The following EYA1 variants were observed in gnomAD, a reference collection of about 807,000 sequenced individuals.
The protein encoded by EYA1 is protein phosphatase EYA1.
A neutral mutation model predicts 82.0 loss-of-function variants in EYA1; 16 were observed. The ratio of observed to expected loss-of-function variants is 0.20; its 90% CI spans 0.13 to 0.30. The LOEUF is 0.30. EYA1 is among the 10% of genes least tolerant of loss of function. The pLI, the probability that EYA1 is intolerant of heterozygous loss-of-function variation, is 1.00. For missense variants in EYA1, 633 were observed against 730.7 expected, an observed-to-expected ratio of 0.87 and a Z score of 1.54; for synonymous variants, 261 against 264.4, an observed-to-expected ratio of 0.99 and a Z score of 0.12.
intron 7 of EYA1, among the ~76,000 whole-genome samples, chr8:71,312,410 A>T (rs1337077078): frequency 6.6e-6 from 1 of 152,176 alleles, no homozygotes; most frequent in Non-Finnish European, 1.5e-5. Context: ...AATTTTATGC[A>T]TTCTTTAGCA....
Position 71,450,585 on chromosome 8 carries a change from C to A in EYA1, c.33+85159G>T, listed in dbSNP as rs185111672. ...ATAATTATGAGAATGACTGAAATAT[C>A]AGAAGAATTAACAAAATGTCACACT... On this transcript the variant is annotated intron_variant, in intron 2 of 18. Transcript: ENST00000643681. Among the ~76,000 whole-genome samples, 473 of 152,214 alleles carry A rather than the reference C, an allele frequency of 3.1e-3. 4 individuals are homozygous for A. Among genetic ancestry groups the A allele is most frequent in the African/African-American group, 0.011 (446 of 41,538 alleles).
Position 71,324,908 on chromosome 8 carries a change from T to C in EYA1, c.203-2640A>G, listed in dbSNP as rs146547992. Among the ~76,000 whole-genome samples the C allele has an allele frequency of 1.9e-4, 29 of 152,320 alleles. No homozygotes were observed. In the East Asian group the frequency reaches 5.6e-3, roughly 29 times the overall value. On this transcript the variant is annotated intron_variant, in intron 4 of 17. Coordinates refer to ENST00000340726, the MANE Select transcript of EYA1 (RefSeq NM_000503.6). ...TAGGTCCCAATAATGATGTCTCACC[T>C]GGACTACTGCAACAGTTACAGAGCC...
At chr8:71,302,574 G>GT in intron 7 of EYA1, among the ~76,000 whole-genome samples, 9 of 101,102 alleles carry the variant, frequency 8.9e-5, no homozygotes, top group African/African-American at 2.6e-4. Flanking sequence ...CAGTGGCTTT[G>GT]GAGACTTAAT....
rs574837763 is a variant in EYA1 at position 71,495,707 on chromosome 8, G to A, written c.33+40037C>T. Reference sequence around the variant, plus strand: ...CAGTTGTAAGACAACATTCTGTAGTGGTTATTTTTCTTCACTGACCAACAA... The same window carrying A: ...CAGTTGTAAGACAACATTCTGTAGTAGTTATTTTTCTTCACTGACCAACAA... On this transcript the variant is annotated intron_variant, in intron 2 of 18. Coordinates refer to the EYA1 transcript ENST00000643681. Among the ~76,000 whole-genome samples the A allele has an allele frequency of 9.9e-5, 15 of 152,262 alleles. No homozygotes were observed. In the South Asian group the frequency reaches 3.1e-3, roughly 32 times the overall value.
At chr8:71,364,610 T>C (rs570208119), upstream of EYA1, among the ~76,000 whole-genome samples, 4 of 152,130 alleles carry the variant, frequency 2.6e-5, no homozygotes, top group East Asian at 7.7e-4. Context: ...ATAGAAGAAA[T>C]CATTGCTATT....
chr8:71,216,957 G>A lies in EYA1; in HGVS notation c.1199+8C>T, dbSNP rs770687311. On this transcript the variant is annotated splice_region_variant and intron_variant, in intron 13 of 17. Coordinates refer to ENST00000340726, the MANE Select transcript of EYA1 (RefSeq NM_000503.6). ...GGAGATGGTCACTTCACATTCAAGG[G>A]TGCTCACCTTAGGTCCTGTCCGTTA... 5.0e-6 allele frequency: 8 copies of A among 1,612,944 alleles called. No individual in the cohort carries two copies. The Admixed American group carries it at 8.3e-5, about 17-fold the overall frequency.
chr8:71,406,616 T>C (rs1040680888), intron 2 of EYA1, among the ~76,000 whole-genome samples: 168 of 152,296 alleles, frequency 1.1e-3, no homozygotes, highest in African/African-American at 3.8e-3. Flanking sequence ...GGGTGACGGA[T>C]GCACCTGGAA....
At chr8:71,531,043 A>T (rs1177268282) in intron 2 of EYA1, 2 of 152,198 alleles carry the variant, frequency 1.3e-5, no homozygotes, top group African/African-American at 4.8e-5. Flanking sequence ...AGCTGACAAC[A>T]TCATGATCAA....
At chr8:71,324,437 T>C (rs191222460) in intron 4 of EYA1, among the ~76,000 whole-genome samples, 1 of 152,346 alleles carries the variant, frequency 6.6e-6, no homozygotes, top group Admixed American at 6.5e-5. Context: ...TGTCTCCATA[T>C]GTTCTCCTAT....
chr8:71,433,313 G>C (rs751002336), intron 2 of EYA1, among the ~76,000 whole-genome samples: 61 of 152,262 alleles, frequency 4.0e-4, no homozygotes, highest in Admixed American at 1.5e-3. Context: ...GGACTTTCTA[G>C]CTTCTTTTAG....
At chr8:71,236,335 G>T (rs921962087) in intron 12 of EYA1, among the ~76,000 whole-genome samples, 3 of 152,058 alleles carry the variant, frequency 2.0e-5, no homozygotes, top group Non-Finnish European at 2.9e-5. Flanking sequence ...GCACCTGGCC[G>T]AATTTTACAC....
rs758531065 is a variant in EYA1 at position 71,271,857 on chromosome 8, A to G, written c.867T>C (p.Asp289=). ...TIHSPSTPIK[D]SDSDRLRRGS... is the part of the protein sequence containing the mutation. The stretch of plus-strand genomic sequence containing the variant: ...CTCGACGCAATCGATCAGAATCTGA[A>G]TCTTTAATGGGTGTTGATGGGCTGT... The change falls in exon 10 of 18, where the codon GAT becomes GAC. Residue 289 remains aspartate, a synonymous_variant. Coordinates refer to ENST00000340726, the MANE Select transcript of EYA1 (RefSeq NM_000503.6). The G allele has an allele frequency of 1.2e-6, 2 of 1,614,180 alleles. No homozygotes were observed. The highest frequency in any genetic ancestry group is 1.7e-6 in the Non-Finnish European group (2 of 1,180,040).
At position 71,422,038 on chromosome 8, in the gene EYA1, A is replaced by G. The variant is rs1831175018; in HGVS notation, c.34-65527T>C. ...AAGATGCATTTTTCTACAGTGGTCTAATATCTCCTTTCAGGTATTTTTTAA... is the reference window on the plus strand; with the variant it reads ...AAGATGCATTTTTCTACAGTGGTCTGATATCTCCTTTCAGGTATTTTTTAA... On this transcript the variant is annotated intron_variant, in intron 2 of 18. Coordinates refer to the EYA1 transcript ENST00000643681. Among the ~76,000 whole-genome samples, 5 of 152,220 alleles carry G rather than the reference A, an allele frequency of 3.3e-5. No homozygotes were observed. The South Asian group carries it at 1.0e-3, about 32-fold the overall frequency.
intron 2 of EYA1, among the ~76,000 whole-genome samples, chr8:71,394,929 G>C (rs1018417068): frequency 6.6e-6 from 1 of 152,162 alleles, no homozygotes; most frequent in African/African-American, 2.4e-5. Context: ...CATGAGCGTG[G>C]AATGTTCTTC....
chr8:71,215,751 T>C, intron 14 of EYA1, 23 bp from the exon 15 acceptor site: 2 of 1,493,210 alleles, frequency 1.3e-6, no homozygotes, highest in Non-Finnish European at 1.9e-6. Flanking sequence ...AAGCACATGA[T>C]GAACTACTTC....
intron 2 of EYA1, among the ~76,000 whole-genome samples, chr8:71,461,747 C>T (rs2129190270): frequency 6.6e-6 from 1 of 152,218 alleles, no homozygotes; most frequent in Non-Finnish European, 1.5e-5. Context: ...GATAGAATAG[C>T]TCAGAGGAGA....
intron 2 of EYA1, among the ~76,000 whole-genome samples, chr8:71,385,424 CAA>C (rs907514125): frequency 6.6e-6 from 1 of 151,754 alleles, no homozygotes; most frequent in Non-Finnish European, 1.5e-5. Context: ...AATGTAGGTA[CAA>C]AAAAAGAGTT....
chr8:71,413,904 C>CA (rs1222794659), intron 2 of EYA1, among the ~76,000 whole-genome samples: 1 of 152,208 alleles, frequency 6.6e-6, no homozygotes, highest in Non-Finnish European at 1.5e-5. Flanking sequence ...ATGAAGATCA[C>CA]AAGCTGTCAC....
At chr8:71,466,711 G>T (rs1219998465) in intron 2 of EYA1, among the ~76,000 whole-genome samples, 1 of 152,068 alleles carries the variant, frequency 6.6e-6, no homozygotes, top group Non-Finnish European at 1.5e-5. Context: ...AATTAAATAT[G>T]TTGTTGTTTT....
Sources: gnomAD v4.1 joint callset for allele counts (sites outside exome capture counted in the v4.1 genomes callset) on GRCh38, gnomAD v4.1.1 for gene constraint, MANE v1.5 for transcripts, NCBI Gene and HGNC (gene_info 2026-07-23, HGNC 2026-07-21) for gene names.